The following ARHGAP39 variants were observed in gnomAD, a reference collection of about 807,000 sequenced individuals.
ARHGAP39 encodes rho GTPase-activating protein 39.
ARHGAP39 carries 44 observed loss-of-function variants against 106.9 expected under a neutral mutation model. That is an observed-to-expected ratio of 0.41 (90% CI 0.32 to 0.53). The LOEUF is 0.53. ARHGAP39 is among the 20% of genes least tolerant of loss of function. The pLI is 0.21. For synonymous variants in ARHGAP39, 768 were observed against 693.2 expected (o/e 1.11, Z -1.69); for missense variants, 1,496 against 1,577.3 (o/e 0.95, Z 0.87).
At chr8:144,653,432 T>C (rs537283602) in intron 1 of ARHGAP39, among the ~76,000 whole-genome samples, 1 of 152,136 alleles carries the variant, frequency 6.6e-6, no homozygotes, top group Non-Finnish European at 1.5e-5. Flanking sequence ...CACAACACCA[T>C]GCCTGGCGTC....
chr8:144,618,589 C>T (rs996684636), intron 1 of ARHGAP39, among the ~76,000 whole-genome samples: 1 of 152,254 alleles, frequency 6.6e-6, no homozygotes, highest in Non-Finnish European at 1.5e-5. Flanking sequence ...GCCCCGAGGA[C>T]GCGCCTCAGC....
At chr8:144,552,081 C>T (rs1022291429) in intron 4 of ARHGAP39, among the ~76,000 whole-genome samples, 5 of 152,226 alleles carry the variant, frequency 3.3e-5, no homozygotes, top group African/African-American at 4.8e-5. Context: ...TCAAACATCA[C>T]AACACAGGCT....
At chr8:144,593,165 T>C (rs1461988143) in intron 2 of ARHGAP39, among the ~76,000 whole-genome samples, 2 of 152,180 alleles carry the variant, frequency 1.3e-5, no homozygotes, top group African/African-American at 4.8e-5. Flanking sequence ...CCCCTGTTTC[T>C]TGGAGATGTC....
At chr8:144,530,640 G>T in intron 11 of ARHGAP39, 24 bp from the exon 12 acceptor site, 1 of 1,542,108 alleles carries the variant, frequency 6.5e-7, no homozygotes, top group African/African-American at 1.4e-5. Flanking sequence ...GAGGGTGGGC[G>T]CGGAGGGGCG....
At chr8:144,668,685 C>T (rs1822022533) in intron 1 of ARHGAP39, among the ~76,000 whole-genome samples, 1 of 152,112 alleles carries the variant, frequency 6.6e-6, no homozygotes, top group Non-Finnish European at 1.5e-5. Flanking sequence ...GTAAGACATT[C>T]CATGTTCATG....
At chr8:144,551,692 C>T (rs1469345230) in intron 4 of ARHGAP39, among the ~76,000 whole-genome samples, 1 of 152,086 alleles carries the variant, frequency 6.6e-6, no homozygotes, top group East Asian at 1.9e-4. Context: ...AACCCCATCA[C>T]CTGGCCCTTC....
chr8:144,676,997 T>A (rs560185072), intron 1 of ARHGAP39, among the ~76,000 whole-genome samples: 1 of 152,360 alleles, frequency 6.6e-6, no homozygotes, highest in African/African-American at 2.4e-5. Context: ...CTTGATCTCT[T>A]GACCTCATGA....
At chr8:144,665,828 G>A (rs1482259391) in intron 1 of ARHGAP39, among the ~76,000 whole-genome samples, 2 of 152,256 alleles carry the variant, frequency 1.3e-5, no homozygotes, top group African/African-American at 4.8e-5. Flanking sequence ...GGGCAGTGCA[G>A]AAGGGAAATG....
intron 6 of ARHGAP39, 49 bp from the exon 7 acceptor site, chr8:144,537,862 C>G (rs1817027042): frequency 6.4e-7 from 1 of 1,551,208 alleles, no homozygotes. Context: ...ACGCCAGGAG[C>G]CAGCGCCCAC....
At chr8:144,603,881 G>T (rs1006121202) in intron 2 of ARHGAP39, among the ~76,000 whole-genome samples, 11 of 151,818 alleles carry the variant, frequency 7.2e-5, no homozygotes, top group Non-Finnish European at 5.9e-5. Flanking sequence ...TTGCAGGAAT[G>T]AGGACATCAG....
chr8:144,687,330 C>G (rs1482393670), upstream of ARHGAP39, among the ~76,000 whole-genome samples: 1 of 38,190 alleles, frequency 2.6e-5, no homozygotes, highest in Non-Finnish European at 4.4e-5. Context: ...GCGAGCACTT[C>G]CCACCCCTGT....
chr8:144,560,859 C>A (rs895833799), intron 3 of ARHGAP39, among the ~76,000 whole-genome samples: 2 of 152,212 alleles, frequency 1.3e-5, no homozygotes, highest in African/African-American at 4.8e-5. Context: ...AACAGAAACT[C>A]TCAAGTGGAG....
chr8:144,547,473 C>T lies in ARHGAP39; in HGVS notation c.1613G>A (p.Arg538Gln), dbSNP rs751091820. 39 of 1,547,404 alleles carry T rather than the reference C, an allele frequency of 2.5e-5. No individual in the cohort carries two copies. Among genetic ancestry groups the T allele is most frequent in the Admixed American group, 5.5e-5 (3 of 54,056 alleles). ...CGCCCCTTCGGCCTCACCTTCCGCTCGCTTCACGGGGGCGAGGCTGGTCCC... is the reference window on the plus strand; with the variant it reads ...CGCCCCTTCGGCCTCACCTTCCGCTTGCTTCACGGGGGCGAGGCTGGTCCC... ...PCGTSLAPVK[R>Q]AEGEAEGARG... Residue 538 changes from arginine to glutamine, a missense_variant, in exon 5 of 12, where the codon CGA becomes CAA. Physicochemically the swap from Arg to Gln is conservative, Grantham distance 43. Around this residue, in one of 4 missense-constraint regions of ARHGAP39, gnomAD observed 905 missense variants for 816.4 expected, o/e 1.11. Transcript: ENST00000377307. The surrounding 1 kb of genome is among the most constrained non-coding windows in gnomAD (Gnocchi z 5.2).
chr8:144,600,361 C>T (rs116221417), intron 2 of ARHGAP39, among the ~76,000 whole-genome samples: 3,269 of 143,802 alleles, frequency 0.023, 84 homozygotes, highest in African/African-American at 0.072. Context: ...TGGAGGCATG[C>T]GTGCACACTT....
Position 144,547,399 on chromosome 8 carries a change from C to A in ARHGAP39, c.1687G>T (p.Ala563Ser). 2 of 1,592,760 alleles carry A rather than the reference C, an allele frequency of 1.3e-6. No individual in the cohort carries two copies. The highest frequency in any genetic ancestry group is 2.7e-5 in the African/African-American group (2 of 74,878). Reference sequence around the variant, plus strand: ...TTCATGTGGAAGTGGGCCTGCTGCGCCTCCCAGGCCAGCCGAGCCTGCGCC... The same window carrying A: ...TTCATGTGGAAGTGGGCCTGCTGCGACTCCCAGGCCAGCCGAGCCTGCGCC... Reference protein sequence around the residue: ...FLAQARLAWEAQQAHFHMKQR... With the variant: ...FLAQARLAWESQQAHFHMKQR... The change falls in exon 5 of 12, where the codon GCG becomes TCG. Residue 563 changes from alanine to serine, a missense_variant. Ala to Ser is a moderately conservative substitution (Grantham distance 99). This residue lies in a region of ARHGAP39 where 905 missense variants were observed against 816.4 expected (regional missense o/e 1.11). Transcript: ENST00000377307. The surrounding 1 kb of genome is among the most constrained non-coding windows in gnomAD (Gnocchi z 5.2).
At chr8:144,677,581 G>A (rs114322652) in intron 1 of ARHGAP39, among the ~76,000 whole-genome samples, 3,121 of 152,252 alleles carry the variant, frequency 0.02, 96 homozygotes, top group African/African-American at 0.072. Context: ...ATACAGTGCG[G>A]CCATGGAAAG....
chr8:144,577,030 A>G (rs1234883434), intron 3 of ARHGAP39, among the ~76,000 whole-genome samples: 3 of 152,190 alleles, frequency 2.0e-5, no homozygotes, highest in Non-Finnish European at 2.9e-5. Context: ...CTCCACCTGT[A>G]CACGCCACGA....
chr8:144,593,829 C>T (rs1819497570), intron 2 of ARHGAP39, among the ~76,000 whole-genome samples: 1 of 152,132 alleles, frequency 6.6e-6, no homozygotes, highest in Non-Finnish European at 1.5e-5. Flanking sequence ...GTGGCTAACG[C>T]CTGGAATCTC....
chr8:144,663,629 C>A (rs965177275), intron 1 of ARHGAP39, among the ~76,000 whole-genome samples: 1 of 152,180 alleles, frequency 6.6e-6, no homozygotes, highest in Admixed American at 6.5e-5. Context: ...AGGCTCCACG[C>A]TCAGCCCCAG....
Sources: gnomAD v4.1 joint callset for allele counts (sites outside exome capture counted in the v4.1 genomes callset) on GRCh38, gnomAD v4.1.1 for gene constraint, gnomAD v4.1.1 regional missense constraint, Gnocchi (gnomAD v3.1) non-coding constraint, MANE v1.5 for transcripts, NCBI Gene and HGNC (gene_info 2026-07-23, HGNC 2026-07-21) for gene names.